The following NPAS3 variants were observed in gnomAD, a reference collection of about 807,000 sequenced individuals.
The protein encoded by NPAS3 is neuronal PAS domain protein 3.
Under a neutral mutation model 73.1 loss-of-function variants are expected in NPAS3, and 14 were observed. The observed-to-expected ratio is 0.19, with a 90% CI of 0.13 to 0.30. The LOEUF (loss-of-function observed/expected upper bound fraction) is 0.30, where lower values mean the gene tolerates loss of function less well. Among genes scored for constraint, NPAS3 ranks in the 10% least tolerant of loss-of-function variants. The probability of loss-of-function intolerance (pLI) is 1.00; values close to 1 mark genes in which losing one functional copy is unlikely to be tolerated. For synonymous variants in NPAS3, 620 were observed against 541.5 expected, an observed-to-expected ratio of 1.14 and a Z score of -2.01; for missense variants, 1,096 against 1,250.0, an observed-to-expected ratio of 0.88 and a Z score of 1.86.
At chr14:33,381,154 A>G (rs184466288) in intron 4 of NPAS3, among the ~76,000 whole-genome samples, 97 of 152,332 alleles carry the variant, frequency 6.4e-4, no homozygotes, top group Non-Finnish European at 1.0e-3. Flanking sequence ...CACATAGGAG[A>G]TAAAACTCAG....
intron 4 of NPAS3, among the ~76,000 whole-genome samples, chr14:33,497,373 AAG>A (rs2052255234): frequency 6.6e-6 from 1 of 152,162 alleles, no homozygotes; most frequent in South Asian, 2.1e-4. Context: ...GGAGCCAAAA[AAG>A]GGCCCATATA....
At chr14:33,729,930 AG>A (rs777202058) in intron 6 of NPAS3, among the ~76,000 whole-genome samples, 14 of 152,342 alleles carry the variant, frequency 9.2e-5, no homozygotes, top group Admixed American at 2.6e-4. Context: ...TCTATGAGAA[AG>A]ATTTATTTTT....
At chr14:33,289,757 G>A (rs56077974) in intron 3 of NPAS3, among the ~76,000 whole-genome samples, 46,369 of 151,332 alleles carry the variant, frequency 0.31, 7,438 homozygotes, top group East Asian at 0.45. Flanking sequence ...AGGAGTCGGA[G>A]GTTACGTTGA....
intron 2 of NPAS3, among the ~76,000 whole-genome samples, chr14:33,085,582 G>T (rs1430488072): frequency 6.6e-6 from 1 of 152,092 alleles, no homozygotes; most frequent in Admixed American, 6.5e-5. Flanking sequence ...TAAACCAAAG[G>T]TTTCTGGATC....
intron 4 of NPAS3, among the ~76,000 whole-genome samples, chr14:33,539,617 C>T (rs952868428): frequency 6.6e-6 from 1 of 152,210 alleles, no homozygotes; most frequent in Admixed American, 6.5e-5. Flanking sequence ...TTACTTTCTG[C>T]CCATCCCCAA....
chr14:33,613,712 C>T (rs2140061001), intron 5 of NPAS3, among the ~76,000 whole-genome samples: 1 of 152,284 alleles, frequency 6.6e-6, no homozygotes, highest in East Asian at 1.9e-4. Context: ...GAAGCGTTTC[C>T]TAACCCCCTG....
At chr14:33,179,692 G>A (rs555345958) in intron 2 of NPAS3, among the ~76,000 whole-genome samples, 3 of 152,192 alleles carry the variant, frequency 2.0e-5, no homozygotes, top group Admixed American at 6.5e-5. Context: ...TACAACTAAA[G>A]AATACCATAC....
chr14:33,797,908 CAA>C (rs1191354319), intron 11 of NPAS3, among the ~76,000 whole-genome samples: 4 of 151,234 alleles, frequency 2.6e-5, no homozygotes, highest in African/African-American at 9.7e-5. Context: ...ACTCACAGAA[CAA>C]AGAGATCTTT....
intron 7 of NPAS3, among the ~76,000 whole-genome samples, chr14:33,750,235 G>A (rs1355518969): frequency 6.7e-6 from 1 of 149,976 alleles, no homozygotes; most frequent in Admixed American, 6.6e-5. Flanking sequence ...TTTTCTTACA[G>A]CATCATTAGT....
chr14:33,715,212 G>A (rs2060925612), intron 6 of NPAS3, among the ~76,000 whole-genome samples: 1 of 152,144 alleles, frequency 6.6e-6, no homozygotes, highest in Non-Finnish European at 1.5e-5. Flanking sequence ...GCTTGTGTTT[G>A]TAAGCTGGCT....
At chr14:33,272,989 G>A (rs978575687) in intron 3 of NPAS3, among the ~76,000 whole-genome samples, 8 of 152,084 alleles carry the variant, frequency 5.3e-5, no homozygotes, top group South Asian at 2.1e-4. Context: ...CCACTTTCTC[G>A]CCAATTAAAT....
At chr14:33,524,883 CT>C (rs1224094192) in intron 4 of NPAS3, among the ~76,000 whole-genome samples, 7 of 152,112 alleles carry the variant, frequency 4.6e-5, no homozygotes, top group African/African-American at 2.4e-5. Flanking sequence ...GTCCAAATGT[CT>C]TCTTTTTATA....
intron 4 of NPAS3, among the ~76,000 whole-genome samples, chr14:33,480,705 T>C (rs956019179): frequency 1.3e-5 from 2 of 151,896 alleles, no homozygotes; most frequent in Non-Finnish European, 2.9e-5. Context: ...GCTCTGTTTT[T>C]GGCAGGCATT....
intron 4 of NPAS3, among the ~76,000 whole-genome samples, chr14:33,541,038 G>A (rs1170737265): frequency 6.6e-6 from 1 of 151,364 alleles, no homozygotes; most frequent in Non-Finnish European, 1.5e-5. Context: ...TGATCAACCA[G>A]TTCTATACCC....
intron 4 of NPAS3, among the ~76,000 whole-genome samples, chr14:33,553,118 C>T (rs534873932): frequency 6.6e-6 from 1 of 152,254 alleles, no homozygotes; most frequent in African/African-American, 2.4e-5. Context: ...GTCTTTTGAC[C>T]AGAGCCTATT....
chr14:33,634,779 T>C (rs1391575276), intron 5 of NPAS3, among the ~76,000 whole-genome samples: 1 of 152,194 alleles, frequency 6.6e-6, no homozygotes, highest in Non-Finnish European at 1.5e-5. Context: ...GACTTGGGAA[T>C]GTCCACGGCT....
chr14:32,958,730 A>C (rs77609187), intron 1 of NPAS3, among the ~76,000 whole-genome samples: 1,998 of 152,334 alleles, frequency 0.013, 18 homozygotes, highest in Non-Finnish European at 0.02. Flanking sequence ...TGGAACCCAA[A>C]ACTGAATTAT....
Position 33,114,339 on chromosome 14 carries a change from T to G in NPAS3, c.140+58345T>G, listed in dbSNP as rs552286269. Among the ~76,000 whole-genome samples the G allele has an allele frequency of 5.5e-4, 84 of 152,164 alleles. 1 individual carries two copies. The highest frequency in any genetic ancestry group is 1.9e-3 in the African/African-American group (81 of 41,548). ...GCGTGAACTACCATGCCCAGCCTAG[T>G]TCCTGATTTTTTAATGTTATTCAGC... On this transcript the variant is annotated intron_variant, in intron 2 of 11. Coordinates refer to ENST00000356141, the Ensembl canonical transcript of NPAS3.
chr14:33,470,579 C>G (rs2050735967), intron 4 of NPAS3, among the ~76,000 whole-genome samples: 1 of 152,110 alleles, frequency 6.6e-6, no homozygotes, highest in Admixed American at 6.5e-5. Flanking sequence ...AGCCTTGTTC[C>G]TACTTCATAG....
Sources: gnomAD v4.1 joint callset for allele counts (sites outside exome capture counted in the v4.1 genomes callset) on GRCh38, gnomAD v4.1.1 for gene constraint, MANE v1.5 for transcripts, NCBI Gene and HGNC (gene_info 2026-07-23, HGNC 2026-07-21) for gene names.